DCC: variants seen among roughly 807,000 people sequenced by gnomAD.
DCC encodes netrin receptor DCC.
In DCC, 58 loss-of-function variants were observed where a neutral mutation model predicts 172.5. The observed-to-expected ratio is 0.34, with a 90% confidence interval of 0.27 to 0.42. DCC has a LOEUF of 0.42. Ranked by LOEUF, DCC falls within the 10% of genes least tolerant of loss-of-function variation. DCC has a pLI of 1.00. For missense variants in DCC, 1,740 were observed against 1,791.0 expected, an observed-to-expected ratio of 0.97 and a Z score of 0.51; for synonymous variants, 709 against 644.5, an observed-to-expected ratio of 1.10 and a Z score of -1.52.
At chr18:53,404,086 A>G (rs967681628) in intron 19 of DCC, among the ~76,000 whole-genome samples, 2 of 151,928 alleles carry the variant, frequency 1.3e-5, no homozygotes, top group African/African-American at 4.8e-5. Context: ...TTTCCCCCTC[A>G]TTGTTATAAT....
intron 2 of DCC, among the ~76,000 whole-genome samples, chr18:52,858,494 A>T (rs2039087263): frequency 6.6e-6 from 1 of 152,178 alleles, no homozygotes; most frequent in Admixed American, 6.5e-5. Flanking sequence ...GGATATTAAG[A>T]CATATTACTT....
chr18:53,395,994 T>C (rs1908914833), intron 17 of DCC, among the ~76,000 whole-genome samples: 1 of 152,144 alleles, frequency 6.6e-6, no homozygotes. Context: ...ATCACTTTAA[T>C]AGGCTGGATA....
intron 5 of DCC, among the ~76,000 whole-genome samples, chr18:53,015,811 G>A (rs935708207): frequency 2.0e-5 from 3 of 152,012 alleles, no homozygotes; most frequent in African/African-American, 7.2e-5. Context: ...GTAAACTTAT[G>A]TATAGCCAAG....
intron 1 of DCC, among the ~76,000 whole-genome samples, chr18:52,679,129 TA>T (rs1176131140): frequency 2.0e-5 from 3 of 152,122 alleles, no homozygotes; most frequent in Non-Finnish European, 2.9e-5. Flanking sequence ...TTCTCTTATA[TA>T]AATGTTATTT....
At chr18:52,950,291 T>A (rs1598962074) in intron 5 of DCC, among the ~76,000 whole-genome samples, 1 of 152,220 alleles carries the variant, frequency 6.6e-6, no homozygotes, top group African/African-American at 2.4e-5. Flanking sequence ...ACTTACTCTC[T>A]CTGTGTCTAT....
At chr18:52,852,620 A>C (rs1177861784) in intron 2 of DCC, among the ~76,000 whole-genome samples, 1 of 144,286 alleles carries the variant, frequency 6.9e-6, no homozygotes, top group East Asian at 1.9e-4. Context: ...ACACTTACCA[A>C]GTGTCTATTT....
At chr18:53,252,365 G>C (rs1438920898) in intron 12 of DCC, among the ~76,000 whole-genome samples, 1 of 151,872 alleles carries the variant, frequency 6.6e-6, no homozygotes, top group Non-Finnish European at 1.5e-5. Context: ...CCCAAAGAAA[G>C]ACTGAGACTT....
rs200213348 is a variant in DCC at position 53,099,939 on chromosome 18, C to CTTTTTTTTTTTTTTT, written c.1261+33776_1261+33777insTTTTTTTTTTTTTTT. 8.7e-4 allele frequency among the ~76,000 whole-genome samples: 76 copies of CTTTTTTTTTTTTTTT among 87,168 alleles called. 11 individuals are homozygous for CTTTTTTTTTTTTTTT. The highest frequency in any genetic ancestry group is 3.4e-3 in the African/African-American group (64 of 18,834). 57.2% of individuals were successfully genotyped at this position (87,168 alleles called of 152,430 possible). On this transcript the variant is annotated intron_variant, in intron 7 of 28. Coordinates refer to ENST00000442544, the MANE Select transcript of DCC (RefSeq NM_005215.4). ...AAGAGACTTTTCTTTTCTTTTCTTTCTTTCTTTTTTTTTTTTTTTTTGTTT... is the reference window on the plus strand; with the variant it reads ...AAGAGACTTTTCTTTTCTTTTCTTTCTTTTTTTTTTTTTTTTTTCTTTTTTTTTTTTTTTTTGTTT...
intron 27 of DCC, among the ~76,000 whole-genome samples, chr18:53,515,694 T>C (rs1393967045): frequency 6.6e-6 from 1 of 150,398 alleles, no homozygotes; most frequent in Admixed American, 6.6e-5. Context: ...GAACTCCCAT[T>C]CACAATTGCT....
At chr18:53,134,416 A>G (rs540603564) in intron 7 of DCC, among the ~76,000 whole-genome samples, 13 of 152,268 alleles carry the variant, frequency 8.5e-5, no homozygotes, top group African/African-American at 2.9e-4. Context: ...TACACTCTCA[A>G]TCTGGATTAT....
chr18:52,622,617 G>C (rs1223262788), intron 1 of DCC, among the ~76,000 whole-genome samples: 1 of 151,178 alleles, frequency 6.6e-6, no homozygotes, highest in Non-Finnish European at 1.5e-5. Flanking sequence ...CAAATATTTC[G>C]GTTCATTAGG....
chr18:52,366,634 A>T (rs1022831570), intron 1 of DCC, among the ~76,000 whole-genome samples: 9 of 151,566 alleles, frequency 5.9e-5, no homozygotes, highest in African/African-American at 2.0e-4. Flanking sequence ...AGCTAAACAC[A>T]GGGTGCTGAT....
intron 1 of DCC, among the ~76,000 whole-genome samples, chr18:52,629,666 T>C (rs1349184603): frequency 6.6e-6 from 1 of 151,708 alleles, no homozygotes; most frequent in Admixed American, 6.6e-5. Flanking sequence ...AATACAAAAA[T>C]TAGTCCGGGC....
chr18:53,266,823 T>C (rs2056680669), intron 12 of DCC, among the ~76,000 whole-genome samples: 1 of 151,966 alleles, frequency 6.6e-6, no homozygotes, highest in Non-Finnish European at 1.5e-5. Flanking sequence ...TGAAATGTTT[T>C]AAGGTTCATC....
intron 1 of DCC, among the ~76,000 whole-genome samples, chr18:52,491,801 G>A (rs762356032): frequency 2.0e-5 from 3 of 152,060 alleles, no homozygotes; most frequent in Non-Finnish European, 4.4e-5. Context: ...TGTTTACAAC[G>A]TTGATGTGTA....
intron 2 of DCC, among the ~76,000 whole-genome samples, chr18:52,885,565 G>T (rs565652932): frequency 6.6e-6 from 1 of 152,090 alleles, no homozygotes; most frequent in Non-Finnish European, 1.5e-5. Flanking sequence ...GTGGGTTCCC[G>T]TCTGGACAAT....
At chr18:53,016,663 GGAGT>G (rs1568246728) in intron 5 of DCC, among the ~76,000 whole-genome samples, 1 of 151,898 alleles carries the variant, frequency 6.6e-6, no homozygotes, top group Non-Finnish European at 1.5e-5. Context: ...TTTTATAATG[GGAGT>G]GAGAGTACTT....
At chr18:53,409,850 A>G (rs992233438) in intron 19 of DCC, among the ~76,000 whole-genome samples, 4 of 152,200 alleles carry the variant, frequency 2.6e-5, no homozygotes, top group African/African-American at 9.6e-5. Flanking sequence ...ATACTGGTAA[A>G]GAATCCCATA....
chr18:53,026,850 C>T lies in DCC; in HGVS notation c.986-36455C>T, dbSNP rs1223806184. 2.0e-5 allele frequency among the ~76,000 whole-genome samples: 3 copies of T among 152,202 alleles called. No homozygotes were observed. The East Asian group carries it at 5.8e-4, about 29-fold the overall frequency. On this transcript the variant is annotated intron_variant, in intron 5 of 28. Coordinates refer to ENST00000442544, the MANE Select transcript of DCC (RefSeq NM_005215.4). ...AATGCTGGGATTACAAGCATAGCCA[C>T]TATGCCTGGCCTGACCCCCTCTTTC... is the stretch of plus-strand genomic sequence containing the variant.
Sources: gnomAD v4.1 joint callset for allele counts (sites outside exome capture counted in the v4.1 genomes callset) on GRCh38, gnomAD v4.1.1 for gene constraint, MANE v1.5 for transcripts, NCBI Gene and HGNC (gene_info 2026-07-23, HGNC 2026-07-21) for gene names.